The following NOX4 variants were observed in gnomAD, a reference collection of about 807,000 sequenced individuals.
NOX4 encodes the protein kidney oxidase-1.
NOX4 carries 69 observed loss-of-function variants against 87.6 expected under a neutral mutation model. That is an observed-to-expected ratio of 0.79 (90% CI 0.65 to 0.96). NOX4 has a LOEUF of 0.96. Among genes scored for constraint, NOX4 ranks in the 40% least tolerant of loss-of-function variants. The probability of loss-of-function intolerance (pLI) is 0.00; values close to 1 mark genes in which losing one functional copy is unlikely to be tolerated. For missense variants in NOX4, 680 were observed against 681.5 expected, an observed-to-expected ratio of 1.00 and a Z score of 0.02; for synonymous variants, 275 against 238.2, an observed-to-expected ratio of 1.15 and a Z score of -1.42.
At chr11:89,458,920 A>C (rs2135409214) in intron 2 of NOX4, among the ~76,000 whole-genome samples, 1 of 152,274 alleles carries the variant, frequency 6.6e-6, no homozygotes, top group East Asian at 1.9e-4. Context: ...AATTAAAACC[A>C]AACTTTCATT....
intron 3 of NOX4, 116 bp from the exon 4 acceptor site, chr11:89,449,640 C>A: frequency 2.9e-6 from 2 of 681,648 alleles, no homozygotes; most frequent in South Asian, 4.5e-5. Context: ...GCCTATTAAT[C>A]AAAAATTGGT....
At chr11:89,515,338 G>A in the NOX4 span, among the ~76,000 whole-genome samples, 2 of 151,614 alleles carry the variant, frequency 1.3e-5, no homozygotes, top group Non-Finnish European at 2.9e-5. Flanking sequence ...TTTTTCATAT[G>A]TTTATGGCTA....
the NOX4 span, among the ~76,000 whole-genome samples, chr11:89,583,300 A>T: frequency 6.6e-6 from 1 of 152,134 alleles, no homozygotes; most frequent in Non-Finnish European, 1.5e-5. Flanking sequence ...GTGAAACTTA[A>T]TATTGTTTAT....
At chr11:89,559,694 T>A in the NOX4 span, among the ~76,000 whole-genome samples, 10 of 152,258 alleles carry the variant, frequency 6.6e-5, no homozygotes, top group East Asian at 1.3e-3. Context: ...TGTAATTAAT[T>A]ATGTTTATAT....
At chr11:89,417,964 G>T (rs1942873121) in intron 8 of NOX4, among the ~76,000 whole-genome samples, 1 of 151,978 alleles carries the variant, frequency 6.6e-6, no homozygotes, top group Admixed American at 6.6e-5. Context: ...GAAAATTAAT[G>T]TATTTTAAAG....
the NOX4 span, among the ~76,000 whole-genome samples, chr11:89,576,047 A>G: frequency 6.6e-6 from 1 of 152,222 alleles, no homozygotes; most frequent in Non-Finnish European, 1.5e-5. Context: ...TTTTGGGCAC[A>G]TGATCCAAGC....
At chr11:89,446,290 T>C (rs1448918222) in intron 4 of NOX4, among the ~76,000 whole-genome samples, 1 of 152,112 alleles carries the variant, frequency 6.6e-6, no homozygotes, top group African/African-American at 2.4e-5. Flanking sequence ...ACAGCCATAT[T>C]GGAAGTGAGT....
intron 2 of NOX4, among the ~76,000 whole-genome samples, chr11:89,471,514 A>G (rs1463846801): frequency 2.0e-5 from 3 of 152,190 alleles, no homozygotes; most frequent in African/African-American, 7.2e-5. Context: ...CTATGGCAGA[A>G]AATTGGAAAA....
At chr11:89,586,844 T>A in the NOX4 span, among the ~76,000 whole-genome samples, 1 of 152,076 alleles carries the variant, frequency 6.6e-6, no homozygotes, top group East Asian at 1.9e-4. Context: ...TACATTGACA[T>A]GGAGATAGGC....
intron 5 of NOX4, 176 bp downstream of exon 5, chr11:89,443,959 T>C: frequency 3.5e-6 from 2 of 571,616 alleles, no homozygotes; most frequent in South Asian, 2.2e-5. Flanking sequence ...GGAGACACTA[T>C]GAAATAGTAA....
At chr11:89,524,904 G>A in the NOX4 span, among the ~76,000 whole-genome samples, 4 of 151,746 alleles carry the variant, frequency 2.6e-5, no homozygotes, top group Non-Finnish European at 5.9e-5. Context: ...TGTTTTCTTT[G>A]ATTATAAAAT....
At chr11:89,528,601 G>A in the NOX4 span, among the ~76,000 whole-genome samples, 1 of 152,062 alleles carries the variant, frequency 6.6e-6, no homozygotes, top group Admixed American at 6.6e-5. Context: ...GTTTTATAAG[G>A]GACACTTCCC....
At chr11:89,465,988 T>A (rs1945676630) in intron 2 of NOX4, among the ~76,000 whole-genome samples, 1 of 152,190 alleles carries the variant, frequency 6.6e-6, no homozygotes, top group Non-Finnish European at 1.5e-5. Flanking sequence ...AAAGGATTAA[T>A]GCCTTTATAA....
At chr11:89,517,054 G>A in the NOX4 span, among the ~76,000 whole-genome samples, 1 of 151,494 alleles carries the variant, frequency 6.6e-6, no homozygotes, top group East Asian at 1.9e-4. Context: ...TTTAATATTC[G>A]GTTCAATGCG....
chr11:89,500,871 T>C (rs1182998824), upstream of NOX4, among the ~76,000 whole-genome samples: 1 of 152,100 alleles, frequency 6.6e-6, no homozygotes, highest in Admixed American at 6.6e-5. Flanking sequence ...CTGCTTAACT[T>C]ATTATAGCCT....
intron 2 of NOX4, among the ~76,000 whole-genome samples, chr11:89,464,811 A>G (rs945218350): frequency 2.0e-5 from 3 of 152,218 alleles, no homozygotes; most frequent in Non-Finnish European, 4.4e-5. Context: ...GAGGAAGTAT[A>G]AACAAAACAA....
chr11:89,567,541 A>T, the NOX4 span, among the ~76,000 whole-genome samples: 1 of 152,188 alleles, frequency 6.6e-6, no homozygotes, highest in Admixed American at 6.5e-5. Flanking sequence ...TACAATCATG[A>T]TGGAAGAAGA....
chr11:89,324,401 T>C lies in NOX4; in HGVS notation c.*2355A>G, dbSNP rs1945142574. 1.3e-5 allele frequency: 2 copies of C among 152,324 alleles called. No homozygotes were observed. The highest frequency in any genetic ancestry group is 4.1e-4 in the South Asian group (2 of 4,832). 9.4% of individuals were successfully genotyped at this position (152,324 alleles called of 1,614,324 possible). Reference sequence around the variant, plus strand: ...ACTAAAATTAGTGATTTAAGGCTTGTATTATAAGAATGATCCCCAGAGAAA... The same window carrying C: ...ACTAAAATTAGTGATTTAAGGCTTGCATTATAAGAATGATCCCCAGAGAAA... On this transcript the variant is annotated 3_prime_UTR_variant, in exon 18 of 18. Coordinates refer to ENST00000263317, the MANE Select transcript of NOX4 (RefSeq NM_016931.5).
chr11:89,355,717 T>C (rs1330281593), intron 12 of NOX4, among the ~76,000 whole-genome samples: 2 of 152,124 alleles, frequency 1.3e-5, no homozygotes, highest in East Asian at 1.9e-4. Flanking sequence ...GGAGTCCAAA[T>C]TGGTACAATA....
Sources: gnomAD v4.1 joint callset for allele counts (sites outside exome capture counted in the v4.1 genomes callset) on GRCh38, gnomAD v4.1.1 for gene constraint, MANE v1.5 for transcripts, NCBI Gene and HGNC (gene_info 2026-07-23, HGNC 2026-07-21) for gene names.